Variants in EYA4 observed in about 807,000 individuals in gnomAD.
EYA4 encodes the protein protein phosphatase EYA4.
In EYA4, 31 loss-of-function variants were observed where a neutral mutation model predicts 87.9. The ratio of observed to expected loss-of-function variants is 0.35; its 90% confidence interval spans 0.27 to 0.48. The LOEUF (loss-of-function observed/expected upper bound fraction) is 0.48, where lower values mean the gene tolerates loss of function less well. Among genes scored for constraint, EYA4 ranks in the 20% least tolerant of loss-of-function variants. The probability of loss-of-function intolerance (pLI) is 0.99; values close to 1 mark genes in which losing one functional copy is unlikely to be tolerated. For synonymous variants in EYA4, 263 were observed against 270.6 expected, an observed-to-expected ratio of 0.97 and a Z score of 0.28; for missense variants, 678 against 761.4, an observed-to-expected ratio of 0.89 and a Z score of 1.29.
At chr6:133,394,902 A>G (rs1787654001) in intron 3 of EYA4, among the ~76,000 whole-genome samples, 2 of 152,356 alleles carry the variant, frequency 1.3e-5, no homozygotes, top group Admixed American at 6.5e-5. Context: ...CCCTGAGGAC[A>G]TTGATATGCC....
intron 11 of EYA4, among the ~76,000 whole-genome samples, chr6:133,480,809 T>C (rs1387635846): frequency 6.6e-6 from 1 of 152,022 alleles, no homozygotes; most frequent in East Asian, 2.0e-4. Flanking sequence ...ATTTCTGTCA[T>C]ATAGCACTAG....
At chr6:133,357,195 C>A (rs1360771766) in intron 2 of EYA4, among the ~76,000 whole-genome samples, 1 of 138,436 alleles carries the variant, frequency 7.2e-6, no homozygotes, top group Admixed American at 7.8e-5. Context: ...GGCGTGAACC[C>A]GGGAGGCGGA....
At chr6:133,340,282 T>C (rs1000956870) in intron 2 of EYA4, among the ~76,000 whole-genome samples, 3 of 152,220 alleles carry the variant, frequency 2.0e-5, no homozygotes, top group Non-Finnish European at 4.4e-5. Context: ...TATAATCCTG[T>C]GTCCTGTTCT....
chr6:133,391,570 G>C (rs1389733489), intron 3 of EYA4, among the ~76,000 whole-genome samples: 2 of 152,202 alleles, frequency 1.3e-5, no homozygotes, highest in East Asian at 3.9e-4. Context: ...AGAGGAAAAT[G>C]CCCATGTGAC....
intron 2 of EYA4, among the ~76,000 whole-genome samples, chr6:133,364,552 C>T (rs1157713850): frequency 6.6e-6 from 1 of 152,220 alleles, no homozygotes; most frequent in African/African-American, 2.4e-5. Flanking sequence ...TGAAGGAAGA[C>T]ACATTGTATG....
At chr6:133,267,983 G>A (rs576927624) in intron 1 of EYA4, among the ~76,000 whole-genome samples, 1 of 152,172 alleles carries the variant, frequency 6.6e-6, no homozygotes, top group African/African-American at 2.4e-5. Context: ...TGTTCACAGT[G>A]TTTCTGATAT....
chr6:133,393,562 C>T (rs565104895), intron 3 of EYA4, among the ~76,000 whole-genome samples: 4 of 152,156 alleles, frequency 2.6e-5, no homozygotes, highest in South Asian at 4.2e-4. Context: ...TAAAAGCCTG[C>T]GTGGCATGTT....
intron 3 of EYA4, among the ~76,000 whole-genome samples, chr6:133,424,635 C>A (rs1583240090): frequency 7.0e-6 from 1 of 142,390 alleles, no homozygotes. Context: ...CCCACCCTGC[C>A]AACTTGGAAG....
At chr6:133,242,621 T>C (rs62430275) in intron 1 of EYA4, among the ~76,000 whole-genome samples, 21,743 of 152,132 alleles carry the variant, frequency 0.14, 1,997 homozygotes, top group Non-Finnish European at 0.2. Context: ...GCTTGTTTTA[T>C]TCTGCGCCGC....
intron 13 of EYA4, among the ~76,000 whole-genome samples, chr6:133,489,606 A>C (rs1359184572): frequency 6.6e-6 from 1 of 152,060 alleles, no homozygotes; most frequent in Admixed American, 6.6e-5. Context: ...TGACATTTTT[A>C]AAGTGCTGAA....
chr6:133,381,798 AG>A (rs1270401659), intron 2 of EYA4, among the ~76,000 whole-genome samples: 4 of 152,356 alleles, frequency 2.6e-5, no homozygotes, highest in Admixed American at 2.0e-4. Context: ...ATGGCCTAGA[AG>A]TATGAGTTAT....
rs145698591 is a variant in EYA4 at position 133,268,410 on chromosome 6, A to G, written c.-65-6306A>G. On this transcript the variant is annotated intron_variant, in intron 1 of 19. Transcript: ENST00000355286. ...TTTTTGCCATTTATGTAATCCATGT[A>G]TCTATCAGAGTAAGAAGGAACATCA... is the stretch of plus-strand genomic sequence containing the variant. Among the ~76,000 whole-genome samples, 8 of 152,308 alleles carry G rather than the reference A, an allele frequency of 5.3e-5. No individual in the cohort carries two copies. The East Asian group carries it at 1.5e-3, about 29-fold the overall frequency.
intron 2 of EYA4, among the ~76,000 whole-genome samples, chr6:133,379,615 C>CT (rs1786001191): frequency 6.6e-6 from 1 of 152,124 alleles, no homozygotes; most frequent in Non-Finnish European, 1.5e-5. Context: ...TCTGTCAATT[C>CT]TATCTCAGAA....
intron 1 of EYA4, among the ~76,000 whole-genome samples, chr6:133,273,181 C>A (rs1776878105): frequency 6.6e-6 from 1 of 151,240 alleles, no homozygotes; most frequent in Non-Finnish European, 1.5e-5. Context: ...TGCTTGCAAG[C>A]TGAGGAGCAA....
chr6:133,470,509 T>C (rs1583374587), intron 11 of EYA4, among the ~76,000 whole-genome samples: 1 of 43,164 alleles, frequency 2.3e-5, no homozygotes, highest in Non-Finnish European at 4.0e-5. Context: ...TAGTATAGTT[T>C]GAAGTCAGGT....
rs183437154 is a variant in EYA4 at position 133,482,722 on chromosome 6, A to G, written c.1108-310A>G. ...TAAGGTATAAAACTTTAAAATATGTAGAGTTTCAAGCATGCTTCTATCATA... is the reference window on the plus strand; with the variant it reads ...TAAGGTATAAAACTTTAAAATATGTGGAGTTTCAAGCATGCTTCTATCATA... On this transcript the variant is annotated intron_variant, in intron 12 of 19. Transcript: ENST00000355286. Among the ~76,000 whole-genome samples the G allele has an allele frequency of 1.6e-3, 250 of 152,322 alleles. 1 individual carries two copies. The highest frequency in any genetic ancestry group is 3.5e-3 in the South Asian group (17 of 4,828).
intron 3 of EYA4, among the ~76,000 whole-genome samples, chr6:133,410,494 G>C (rs903531648): frequency 2.0e-5 from 3 of 148,006 alleles, no homozygotes; most frequent in African/African-American, 7.4e-5. Flanking sequence ...TACTATTAAG[G>C]TCACAAATTT....
chr6:133,305,216 C>G (rs1470517317), intron 2 of EYA4, among the ~76,000 whole-genome samples: 1 of 151,978 alleles, frequency 6.6e-6, no homozygotes, highest in African/African-American at 2.4e-5. Flanking sequence ...TGGGGTCAGG[C>G]TAGTAGTGGG....
intron 2 of EYA4, among the ~76,000 whole-genome samples, chr6:133,335,855 C>T (rs1457139769): frequency 6.6e-6 from 1 of 151,912 alleles, no homozygotes; most frequent in African/African-American, 2.4e-5. Flanking sequence ...GTCCCTAGAG[C>T]AATAGGAAAG....
Sources: gnomAD v4.1 joint callset for allele counts (sites outside exome capture counted in the v4.1 genomes callset) on GRCh38, gnomAD v4.1.1 for gene constraint, MANE v1.5 for transcripts, NCBI Gene and HGNC (gene_info 2026-07-23, HGNC 2026-07-21) for gene names.